Variants in RIMS2 observed in about 807,000 individuals in gnomAD.
RIMS2 encodes regulating synaptic membrane exocytosis 2.
RIMS2 carries 59 observed loss-of-function variants against 174.4 expected under a neutral mutation model. That is an observed-to-expected ratio of 0.34 (90% CI 0.27 to 0.42). The LOEUF (loss-of-function observed/expected upper bound fraction) is 0.42, where lower values mean the gene tolerates loss of function less well. RIMS2 is among the 10% of genes least tolerant of loss of function. RIMS2 has a pLI of 1.00. For missense variants in RIMS2, 1,620 were observed against 1,666.3 expected, an observed-to-expected ratio of 0.97 and a Z score of 0.48; for synonymous variants, 606 against 572.5, an observed-to-expected ratio of 1.06 and a Z score of -0.84.
intron 14 of RIMS2, among the ~76,000 whole-genome samples, chr8:103,952,768 G>A (rs544951045): frequency 2.6e-5 from 4 of 152,062 alleles, no homozygotes; most frequent in Non-Finnish European, 4.4e-5. Flanking sequence ...TGAGTTTGAC[G>A]AATTGACAGA....
intron 2 of RIMS2, among the ~76,000 whole-genome samples, chr8:103,722,157 G>A (rs1227772429): frequency 6.6e-6 from 1 of 151,946 alleles, no homozygotes; most frequent in East Asian, 1.9e-4. Flanking sequence ...ATCACTTGAG[G>A]CCAGGAGCTT....
intron 2 of RIMS2, among the ~76,000 whole-genome samples, chr8:103,715,925 C>CT (rs944887405): frequency 6.6e-6 from 1 of 151,852 alleles, no homozygotes; most frequent in African/African-American, 2.4e-5. Context: ...GTATATAAAA[C>CT]TTTTTTCTTA....
intron 19 of RIMS2, among the ~76,000 whole-genome samples, chr8:104,017,628 G>A (rs1386893089): frequency 6.6e-6 from 1 of 151,550 alleles, no homozygotes; most frequent in Admixed American, 6.6e-5. Flanking sequence ...AAAGTATTTT[G>A]CCTACTTTAC....
intron 19 of RIMS2, among the ~76,000 whole-genome samples, chr8:104,231,170 A>AC (rs2099226031): frequency 6.6e-6 from 1 of 151,594 alleles, no homozygotes; most frequent in African/African-American, 2.4e-5. Context: ...TGATCTGATA[A>AC]CCCCCCAACC....
chr8:103,633,486 G>T (rs1396264135), intron 1 of RIMS2, among the ~76,000 whole-genome samples: 1 of 152,050 alleles, frequency 6.6e-6, no homozygotes, highest in African/African-American at 2.4e-5. Flanking sequence ...AACAATTTTG[G>T]CCTGAAGTTT....
intron 1 of RIMS2, among the ~76,000 whole-genome samples, chr8:103,693,180 A>G (rs940394339): frequency 5.9e-5 from 9 of 152,118 alleles, no homozygotes; most frequent in Non-Finnish European, 1.2e-4. Flanking sequence ...GTTTCAATGC[A>G]AAGTCCCACA....
intron 1 of RIMS2, among the ~76,000 whole-genome samples, chr8:103,624,061 C>A (rs1054152699): frequency 6.6e-6 from 1 of 152,138 alleles, no homozygotes; most frequent in Non-Finnish European, 1.5e-5. Context: ...CTAAAAGCTA[C>A]AAACCCATAG....
chr8:104,221,149 T>A (rs1356279664), intron 19 of RIMS2, among the ~76,000 whole-genome samples: 1 of 152,190 alleles, frequency 6.6e-6, no homozygotes, highest in Admixed American at 6.5e-5. Flanking sequence ...TACCCTTTAA[T>A]CTAAATTTTC....
chr8:104,223,565 T>A (rs1315085827), intron 19 of RIMS2: 4 of 1,449,578 alleles, frequency 2.8e-6, no homozygotes, highest in East Asian at 2.6e-5. Context: ...TCTGGCCCAC[T>A]GGTCCCGGAA....
chr8:103,602,350 T>C (rs1322657109), intron 1 of RIMS2, among the ~76,000 whole-genome samples: 2 of 152,166 alleles, frequency 1.3e-5, no homozygotes, highest in African/African-American at 4.8e-5. Flanking sequence ...GGTTTTTATA[T>C]AGGTAAACTG....
chr8:104,224,649 G>A (rs764195725), intron 19 of RIMS2, among the ~76,000 whole-genome samples: 3 of 151,942 alleles, frequency 2.0e-5, no homozygotes, highest in African/African-American at 7.3e-5. Context: ...CTCTATTTTT[G>A]TAAATAACAG....
intron 19 of RIMS2, among the ~76,000 whole-genome samples, chr8:104,036,871 C>G (rs1472622847): frequency 1.3e-5 from 2 of 151,950 alleles, no homozygotes; most frequent in African/African-American, 4.8e-5. Context: ...AGTGAGACTC[C>G]TTCTAAAAAC....
chr8:103,780,473 C>T (rs546598671), intron 3 of RIMS2, among the ~76,000 whole-genome samples: 2 of 152,156 alleles, frequency 1.3e-5, no homozygotes, highest in Admixed American at 6.5e-5. Flanking sequence ...TTTTCAAATG[C>T]TTGTCTTCAA....
intron 1 of RIMS2, among the ~76,000 whole-genome samples, chr8:103,648,189 C>T (rs1178114700): frequency 1.3e-5 from 2 of 152,016 alleles, no homozygotes; most frequent in Non-Finnish European, 2.9e-5. Flanking sequence ...AGGAGTCATT[C>T]AGGAGCAGGT....
chr8:103,572,935 G>T lies in RIMS2; in HGVS notation c.176+71873G>T, dbSNP rs1322696328. On this transcript the variant is annotated intron_variant, in intron 1 of 23. Transcript: ENST00000504942. The stretch of plus-strand genomic sequence containing the variant: ...GTCCCAGTTGTCAATTTTTGTCTAT[G>T]TTTCATTTGCTTTAGAGGTCGTAGT... Among the ~76,000 whole-genome samples the T allele has an allele frequency of 3.3e-5, 5 of 152,058 alleles. No individual in the cohort carries two copies. The East Asian group carries it at 9.6e-4, about 29-fold the overall frequency.
chr8:103,863,290 C>T (rs1258397909), intron 3 of RIMS2, among the ~76,000 whole-genome samples: 1 of 151,954 alleles, frequency 6.6e-6, no homozygotes, highest in African/African-American at 2.4e-5. Context: ...TATATTGAAC[C>T]ATTCTTGCAT....
intron 19 of RIMS2, among the ~76,000 whole-genome samples, chr8:104,101,897 T>A (rs2097910585): frequency 6.6e-6 from 1 of 152,176 alleles, no homozygotes; most frequent in Non-Finnish European, 1.5e-5. Flanking sequence ...CCCTCTTGGC[T>A]TTTATGATTG....
intron 3 of RIMS2, among the ~76,000 whole-genome samples, chr8:103,805,222 C>A (rs2098642423): frequency 6.6e-6 from 1 of 151,830 alleles, no homozygotes; most frequent in South Asian, 2.1e-4. Context: ...CCTTTTTTAT[C>A]CCTAGGAATC....
At chr8:104,093,776 C>A in intron 19 of RIMS2, 133 bp downstream of exon 24, 1 of 567,800 alleles carries the variant, frequency 1.8e-6, no homozygotes, top group Non-Finnish European at 2.9e-6. Context: ...AACTTCAGTA[C>A]ATACTACTTT....
Sources: gnomAD v4.1 joint callset for allele counts (sites outside exome capture counted in the v4.1 genomes callset) on GRCh38, gnomAD v4.1.1 for gene constraint, MANE v1.5 for transcripts, NCBI Gene and HGNC (gene_info 2026-07-23, HGNC 2026-07-21) for gene names.